Variants in ZBBX observed in about 807,000 individuals in gnomAD.
ZBBX encodes zinc finger B-box domain-containing protein 1.
In ZBBX, 101 loss-of-function variants were observed where a neutral mutation model predicts 108.5. That is an observed-to-expected ratio of 0.93 (90% confidence interval 0.79 to 1.10). The LOEUF (loss-of-function observed/expected upper bound fraction) is 1.10. Ranked by LOEUF, ZBBX falls within the 50% of genes least tolerant of loss-of-function variation. ZBBX has a pLI of 0.00. For missense variants in ZBBX, 1,009 were observed against 941.4 expected (o/e 1.07, Z -0.94); for synonymous variants, 356 against 323.4 (o/e 1.10, Z -1.08).
intron 20 of ZBBX, among the ~76,000 whole-genome samples, chr3:167,262,419 A>G (rs1724711673): frequency 6.6e-6 from 1 of 152,220 alleles, no homozygotes; most frequent in Non-Finnish European, 1.5e-5. Context: ...TTTTTGTTGG[A>G]ACACTTTCAA....
chr3:167,402,529 T>G (rs551140550), intron 1 of ZBBX, among the ~76,000 whole-genome samples: 1 of 152,294 alleles, frequency 6.6e-6, no homozygotes, highest in Non-Finnish European at 1.5e-5. Context: ...TCTTCTATAC[T>G]TAATTTCTAC....
chr3:167,248,657 G>T (rs1722023383), intron 20 of ZBBX: 3 of 456,418 alleles, frequency 6.6e-6, no homozygotes, highest in South Asian at 4.6e-5. Flanking sequence ...GCCCTAGAAA[G>T]AAAAACAAGG....
At chr3:167,224,254 C>T in the ZBBX span, among the ~76,000 whole-genome samples, 1 of 151,816 alleles carries the variant, frequency 6.6e-6, no homozygotes, top group African/African-American at 2.4e-5. Flanking sequence ...GTGCTTACTT[C>T]CATGTATTTT....
At chr3:167,260,040 C>A (rs533221496) in intron 20 of ZBBX, among the ~76,000 whole-genome samples, 207 of 152,230 alleles carry the variant, frequency 1.4e-3, no homozygotes, top group African/African-American at 4.8e-3. Flanking sequence ...ATGGTGAATT[C>A]TCTCAGCATT....
rs1728917512 is a variant in ZBBX at position 167,282,166 on chromosome 3, C to A, written c.2254+72G>T. The A allele has an allele frequency of 6.2e-6, 9 of 1,446,442 alleles. 1 individual carries two copies. The East Asian group carries it at 2.1e-4, about 33-fold the overall frequency. 89.6% of individuals were successfully genotyped at this position (1,446,442 alleles called of 1,614,324 possible). A position where few individuals can be genotyped will look rare whatever the true frequency, so the allele number is the denominator to read the frequency against. Reference sequence around the variant, plus strand: ...TGTTTGCTGGCTTGTTTTGTTAGCGCAAGATATGAAGAATCCGGCTGAGGG... The same window carrying A: ...TGTTTGCTGGCTTGTTTTGTTAGCGAAAGATATGAAGAATCCGGCTGAGGG... On this transcript the variant is annotated intron_variant, in intron 20 of 21. Transcript: ENST00000675490.
At chr3:167,234,030 C>T in the ZBBX span, among the ~76,000 whole-genome samples, 2 of 151,758 alleles carry the variant, frequency 1.3e-5, no homozygotes, top group Non-Finnish European at 2.9e-5. Context: ...AGTCTTTCTT[C>T]ATACTCCTTT....
intron 18 of ZBBX, among the ~76,000 whole-genome samples, chr3:167,297,653 A>C (rs920834345): frequency 1.3e-5 from 2 of 152,072 alleles, no homozygotes; most frequent in Non-Finnish European, 2.9e-5. Flanking sequence ...AGCAGTATCC[A>C]GAATATAATA....
intron 1 of ZBBX, among the ~76,000 whole-genome samples, chr3:167,400,919 C>T (rs1748405991): frequency 6.6e-6 from 1 of 152,094 alleles, no homozygotes; most frequent in Admixed American, 6.6e-5. Context: ...TATAAGTGAG[C>T]AGAGGGGTGA....
intron 1 of ZBBX, among the ~76,000 whole-genome samples, chr3:167,398,521 A>G (rs747196568): frequency 1.1e-4 from 17 of 152,082 alleles, no homozygotes; most frequent in Non-Finnish European, 2.4e-4. Context: ...CCTATTAGCT[A>G]GAAAATATTT....
the ZBBX span, among the ~76,000 whole-genome samples, chr3:167,202,626 G>C: frequency 6.6e-6 from 1 of 152,036 alleles, no homozygotes; most frequent in Admixed American, 6.6e-5. Context: ...CTTGAAAATT[G>C]ATTCTGCAGT....
intron 6 of ZBBX, 21 bp from the exon 7 acceptor site, chr3:167,360,744 C>A: frequency 7.3e-7 from 1 of 1,364,190 alleles, no homozygotes; most frequent in Non-Finnish European, 9.7e-7. Context: ...AAAATAGATA[C>A]TATTTGTCAG....
At chr3:167,195,261 A>G in the ZBBX span, among the ~76,000 whole-genome samples, 1 of 152,196 alleles carries the variant, frequency 6.6e-6, no homozygotes, top group African/African-American at 2.4e-5. Flanking sequence ...AAGGCCTACA[A>G]TTCTCTGATG....
chr3:167,268,414 T>C (rs1370718762), intron 20 of ZBBX, among the ~76,000 whole-genome samples: 1 of 151,652 alleles, frequency 6.6e-6, no homozygotes, highest in Non-Finnish European at 1.5e-5. Context: ...CTACCGCAGA[T>C]CAAAAGCTTC....
chr3:167,244,790 A>G lies in ZBBX; in HGVS notation c.2255-2147T>C, dbSNP rs145311310. ...AGTTGATTGTTGAGAAATAAATTAT[A>G]GTTAAACCTTTTCTATCCCTGGAGT... On this transcript the variant is annotated intron_variant, in intron 20 of 21. Transcript: ENST00000675490. 2.4e-3 allele frequency among the ~76,000 whole-genome samples: 363 copies of G among 152,338 alleles called. 2 individuals carry two copies. Among genetic ancestry groups the G allele is most frequent in the African/African-American group, 7.3e-3 (304 of 41,572 alleles).
chr3:167,348,352 GA>G (rs763979229), intron 9 of ZBBX, among the ~76,000 whole-genome samples: 8 of 103,782 alleles, frequency 7.7e-5, no homozygotes, highest in African/African-American at 2.7e-4. Context: ...AAGAAAGAAA[GA>G]AAGAAAGAAA....
At chr3:167,205,129 C>T in the ZBBX span, among the ~76,000 whole-genome samples, 7 of 151,966 alleles carry the variant, frequency 4.6e-5, no homozygotes, top group African/African-American at 1.7e-4. Context: ...AAATACAATT[C>T]AATTTTAAGT....
At chr3:167,252,234 C>T in intron 20 of ZBBX, 1 of 1,252,814 alleles carries the variant, frequency 8.0e-7, no homozygotes, top group Non-Finnish European at 1.0e-6. Context: ...GAAAACAAGT[C>T]AGAGAGGTTG....
At chr3:167,282,715 C>G (rs2108529054) in intron 19 of ZBBX, 1 of 442,112 alleles carries the variant, frequency 2.3e-6, no homozygotes, top group East Asian at 3.4e-5. Context: ...TATTTTTTTC[C>G]TAATTTTCCT....
chr3:167,316,518 CTACATATG>C (rs1201219794), intron 14 of ZBBX, among the ~76,000 whole-genome samples: 2 of 151,858 alleles, frequency 1.3e-5, no homozygotes, highest in African/African-American at 4.8e-5. Context: ...TTGGTGTCTT[CTACATATG>C]TTCAAGTTAT....
Sources: gnomAD v4.1 joint callset for allele counts (sites outside exome capture counted in the v4.1 genomes callset) on GRCh38, gnomAD v4.1.1 for gene constraint, MANE v1.5 for transcripts, NCBI Gene and HGNC (gene_info 2026-07-23, HGNC 2026-07-21) for gene names.